The following CCDC6 variants were observed in gnomAD, a reference collection of about 807,000 sequenced individuals.
The protein encoded by CCDC6 is coiled-coil domain-containing protein 6.
A neutral mutation model predicts 56.6 loss-of-function variants in CCDC6; 20 were observed. That is an observed-to-expected ratio of 0.35 (90% CI 0.25 to 0.51). CCDC6 has a LOEUF of 0.51. Ranked by LOEUF, CCDC6 falls within the 20% of genes least tolerant of loss-of-function variation. The pLI is 0.95. For missense variants in CCDC6, 367 were observed against 601.1 expected, an observed-to-expected ratio of 0.61 and a Z score of 4.07; for synonymous variants, 241 against 234.4, an observed-to-expected ratio of 1.03 and a Z score of -0.26.
Position 59,792,790 on chromosome 10 carries a change from A to C in CCDC6, c.*127T>G. 1 of 946,466 alleles carries C rather than the reference A, an allele frequency of 1.1e-6. No homozygotes were observed. The highest frequency in any genetic ancestry group is 1.7e-6 in the Non-Finnish European group (1 of 577,890). 58.6% of individuals were successfully genotyped at this position (946,466 alleles called of 1,614,324 possible). A position where few individuals can be genotyped will look rare whatever the true frequency, so the allele number is the denominator to read the frequency against. Reference sequence around the variant, plus strand: ...GACAAACATTTACAACACAATGGATAGTGAAGCCTAGATAACCTCAGTGCA... The same window carrying C: ...GACAAACATTTACAACACAATGGATCGTGAAGCCTAGATAACCTCAGTGCA... On this transcript the variant is annotated 3_prime_UTR_variant, in exon 9 of 9. Coordinates refer to ENST00000263102, the MANE Select transcript of CCDC6 (RefSeq NM_005436.5).
intron 3 of CCDC6, among the ~76,000 whole-genome samples, chr10:59,823,952 C>A (rs762612794): frequency 3.9e-5 from 6 of 152,202 alleles, no homozygotes; most frequent in Admixed American, 1.3e-4. Flanking sequence ...CATGCAAGGT[C>A]TTTGTCCCCA....
At chr10:59,828,353 A>G (rs546638086) in intron 3 of CCDC6, among the ~76,000 whole-genome samples, 23 of 152,326 alleles carry the variant, frequency 1.5e-4, no homozygotes, top group African/African-American at 5.5e-4. Context: ...AAGACCACAC[A>G]ATTTTACATT....
chr10:59,881,840 C>T (rs1221471626), intron 1 of CCDC6, among the ~76,000 whole-genome samples: 1 of 152,180 alleles, frequency 6.6e-6, no homozygotes, highest in East Asian at 1.9e-4. Context: ...TAGACGTAAC[C>T]TCAAAAATAT....
chr10:59,895,294 C>A (rs1443727414), intron 1 of CCDC6, among the ~76,000 whole-genome samples: 2 of 152,064 alleles, frequency 1.3e-5, no homozygotes, highest in African/African-American at 4.8e-5. Context: ...AGAGCGAGAC[C>A]CTGTCTCAAA....
At chr10:59,855,906 C>G (rs2071077820) in intron 1 of CCDC6, among the ~76,000 whole-genome samples, 1 of 152,170 alleles carries the variant, frequency 6.6e-6, no homozygotes, top group Non-Finnish European at 1.5e-5. Flanking sequence ...AATGTGCCTT[C>G]CAAAGATGTG....
chr10:59,825,013 T>C (rs997889861), intron 3 of CCDC6, among the ~76,000 whole-genome samples: 9 of 152,218 alleles, frequency 5.9e-5, no homozygotes, highest in Non-Finnish European at 1.2e-4. Flanking sequence ...GGTGCTCTAC[T>C]CAGCACAATT....
intron 1 of CCDC6, among the ~76,000 whole-genome samples, chr10:59,873,368 C>A (rs557902851): frequency 6.6e-6 from 1 of 152,096 alleles, no homozygotes; most frequent in South Asian, 2.1e-4. Flanking sequence ...AAGATGACCA[C>A]ATGACTTCAG....
intron 2 of CCDC6, among the ~76,000 whole-genome samples, chr10:59,836,357 C>G (rs2070882676): frequency 6.6e-6 from 1 of 152,168 alleles, no homozygotes; most frequent in African/African-American, 2.4e-5. Context: ...ACGTAAAAAC[C>G]CTGGGAAGCC....
chr10:59,881,713 C>G (rs531595061), intron 1 of CCDC6, among the ~76,000 whole-genome samples: 1 of 152,194 alleles, frequency 6.6e-6, no homozygotes, highest in Non-Finnish European at 1.5e-5. Flanking sequence ...CGCTGAACAT[C>G]CTGGCTGCCT....
At chr10:59,793,182 C>A in intron 8 of CCDC6, 71 bp from the exon 9 acceptor site, 3 of 1,287,304 alleles carry the variant, frequency 2.3e-6, no homozygotes, top group Non-Finnish European at 3.3e-6. Flanking sequence ...CACAGCCTGA[C>A]TTGGCACTGG....
At chr10:59,855,293 C>T (rs1016092456) in intron 1 of CCDC6, among the ~76,000 whole-genome samples, 4 of 152,280 alleles carry the variant, frequency 2.6e-5, no homozygotes, top group Admixed American at 1.3e-4. Flanking sequence ...CTAGGCCAGG[C>T]GCAGTGGCTC....
At chr10:59,839,866 G>T (rs564105581) in intron 2 of CCDC6, among the ~76,000 whole-genome samples, 1 of 152,056 alleles carries the variant, frequency 6.6e-6, no homozygotes, top group East Asian at 1.9e-4. Flanking sequence ...TCACTCTGTC[G>T]CCAGGCTGTA....
chr10:59,807,017 C>G lies in CCDC6; in HGVS notation c.909G>C (p.Arg303Ser). Residue 303 changes from arginine to serine, a missense_variant, in exon 6 of 9, where the codon AGG becomes AGC. Around this residue, in one of 7 missense-constraint regions of CCDC6, gnomAD observed 81 missense variants for 150.8 expected, o/e 0.54. Coordinates refer to ENST00000263102, the MANE Select transcript of CCDC6 (RefSeq NM_005436.5). ...TCTCCCTCTGCAGCTTCCTCTGGAG[C>G]CTCAAGTTCTCTTCTCTCATGTGAC... ...EERHMREENL[R>S]LQRKLQREME... 1.2e-6 allele frequency: 2 copies of G among 1,613,976 alleles called. No homozygotes were observed. Among genetic ancestry groups the G allele is most frequent in the Non-Finnish European group, 1.7e-6 (2 of 1,179,892 alleles).
chr10:59,826,733 A>G (rs1010863432), intron 3 of CCDC6, among the ~76,000 whole-genome samples: 2 of 152,232 alleles, frequency 1.3e-5, no homozygotes, highest in African/African-American at 4.8e-5. Flanking sequence ...ATGAGCATAA[A>G]TATGTCCATA....
rs1370237064 is a variant in CCDC6, at chr10:59,789,772, G to T, written c.*3145C>A. 9.1e-6 allele frequency: 2 copies of T among 220,194 alleles called. No individual in the cohort carries two copies. The highest frequency in any genetic ancestry group is 1.8e-5 in the Non-Finnish European group (2 of 109,628). The allele number at this position is 220,194 out of a possible 1,614,324, so 13.6% of individuals were successfully genotyped here. A position where few individuals can be genotyped will look rare whatever the true frequency, so the allele number is the denominator to read the frequency against. On this transcript the variant is annotated 3_prime_UTR_variant, in exon 9 of 9. Transcript: ENST00000263102. ...ACTATGCTTTTTCTTGCCTTATTGG[G>T]CATTCTCTAAAAGCAAGGCTTTGTG...
intron 4 of CCDC6, among the ~76,000 whole-genome samples, chr10:59,813,672 T>C (rs144394294): frequency 6.6e-6 from 1 of 152,314 alleles, no homozygotes; most frequent in Non-Finnish European, 1.5e-5. Flanking sequence ...AACTAGTGTG[T>C]TAAATATTAT....
At chr10:59,853,553 A>C (rs1388609452) in intron 1 of CCDC6, among the ~76,000 whole-genome samples, 1 of 152,166 alleles carries the variant, frequency 6.6e-6, no homozygotes, top group Non-Finnish European at 1.5e-5. Context: ...AATAAAATAA[A>C]AAATAAAAGG....
intron 3 of CCDC6, among the ~76,000 whole-genome samples, chr10:59,831,332 T>C (rs532434166): frequency 6.6e-6 from 1 of 152,340 alleles, no homozygotes; most frequent in East Asian, 1.9e-4. Flanking sequence ...TACCATTCCC[T>C]GCTTTGCTAC....
chr10:59,896,366 C>T (rs1254723717), intron 1 of CCDC6, among the ~76,000 whole-genome samples: 3 of 152,194 alleles, frequency 2.0e-5, no homozygotes, highest in African/African-American at 4.8e-5. Flanking sequence ...TCCAGCATCT[C>T]CACATCTGGG....
Sources: allele counts gnomAD v4.1 joint callset (sites outside exome capture counted in the v4.1 genomes callset), GRCh38; gene constraint gnomAD v4.1.1; regional missense constraint gnomAD v4.1.1; transcripts MANE v1.5; gene names NCBI Gene and HGNC (gene_info 2026-07-23, HGNC 2026-07-21).